Variants in PTPN22 observed in about 807,000 individuals in gnomAD.
PTPN22 encodes the protein tyrosine-protein phosphatase non-receptor type 22.
In PTPN22, 85 loss-of-function variants were observed where a neutral mutation model predicts 103.3. That is an observed-to-expected ratio of 0.82 (90% CI 0.69 to 0.99). The LOEUF is 0.99. PTPN22 is among the 50% of genes least tolerant of loss of function. The pLI, the probability that PTPN22 is intolerant of heterozygous loss-of-function variation, is 0.00. For synonymous variants in PTPN22, 323 were observed against 310.2 expected, an observed-to-expected ratio of 1.04 and a Z score of -0.43; for missense variants, 865 against 936.9, an observed-to-expected ratio of 0.92 and a Z score of 1.00.
chr1:113,847,005 TTTTTTTTG>T (rs1664123523), intron 11 of PTPN22, among the ~76,000 whole-genome samples: 1 of 76,990 alleles, frequency 1.3e-5, no homozygotes. Flanking sequence ...TTTTTTTTTT[TTTTTTTTG>T]GTCCCTTAGT....
At chr1:113,833,266 C>T (rs1045092995) in intron 15 of PTPN22, 128 bp from the exon 16 acceptor site, 2 of 606,872 alleles carry the variant, frequency 3.3e-6, no homozygotes, top group Non-Finnish European at 5.4e-6. Context: ...AAATGTAGAC[C>T]CTATTTTTCC....
chr1:113,835,759 T>A (rs1437911551), intron 13 of PTPN22, among the ~76,000 whole-genome samples: 4 of 152,150 alleles, frequency 2.6e-5, no homozygotes, highest in African/African-American at 9.7e-5. Context: ...CTATACAAAA[T>A]TCAAGAATAT....
At chr1:113,839,810 C>T (rs1006881681) in intron 11 of PTPN22, among the ~76,000 whole-genome samples, 2 of 151,830 alleles carry the variant, frequency 1.3e-5, no homozygotes, top group African/African-American at 4.8e-5. Context: ...AAAAACAAGA[C>T]AAGAATGCCA....
Position 113,855,196 on chromosome 1 carries a change from C to G in PTPN22, c.541-147G>C, listed in dbSNP as rs56257068. 1,883 of 697,112 alleles carry G rather than the reference C, an allele frequency of 2.7e-3. 4 individuals carry two copies. Among genetic ancestry groups the G allele is most frequent in the Non-Finnish European group, 3.9e-3 (1,691 of 428,638 alleles). 43.2% of individuals were successfully genotyped at this position (697,112 alleles called of 1,614,324 possible). ...CATTTACGCCCTTGTGTCTTATATT[C>G]ATAAGATTAAAGTTGAGGCTGGGTG... On this transcript the variant is annotated intron_variant, in intron 7 of 20. Coordinates refer to ENST00000359785, the Ensembl canonical transcript of PTPN22.
chr1:113,859,385 T>A, exon 2 of PTPN22: 1 of 1,613,704 alleles, frequency 6.2e-7, no homozygotes, highest in South Asian at 1.1e-5. Context: ...TTTTTCTTGA[T>A]ATTCTTGGGC....
At chr1:113,832,581 G>T (rs1213229611) in intron 16 of PTPN22, among the ~76,000 whole-genome samples, 1 of 152,152 alleles carries the variant, frequency 6.6e-6, no homozygotes, top group African/African-American at 2.4e-5. Context: ...CAAAGCCCAT[G>T]TTTTTTAACC....
At chr1:113,819,283 G>C (rs539813543) in intron 20 of PTPN22, 2 of 176,872 alleles carry the variant, frequency 1.1e-5, no homozygotes, top group Non-Finnish European at 2.4e-5. Context: ...ATATGAACCA[G>C]AATATCACAG....
chr1:113,839,378 G>T, intron 11 of PTPN22, among the ~76,000 whole-genome samples: 1 of 151,224 alleles, frequency 6.6e-6, no homozygotes. Context: ...CACAGTGCCT[G>T]GCCTCAATCT....
At chr1:113,848,377 T>C (rs1384117696) in intron 11 of PTPN22, among the ~76,000 whole-genome samples, 163 bp downstream of exon 11, 1 of 152,128 alleles carries the variant, frequency 6.6e-6, no homozygotes, top group Non-Finnish European at 1.5e-5. Flanking sequence ...TTACATCAAA[T>C]TAATTTGTCA....
intron 1 of PTPN22, among the ~76,000 whole-genome samples, chr1:113,868,819 G>C (rs1666330216): frequency 2.0e-5 from 3 of 152,020 alleles, no homozygotes; most frequent in Admixed American, 2.0e-4. Flanking sequence ...ACTGCTAATG[G>C]TTGCTTTATA....
At chr1:113,850,800 A>T (rs1664507574) in intron 10 of PTPN22, among the ~76,000 whole-genome samples, 1 of 152,234 alleles carries the variant, frequency 6.6e-6, no homozygotes, top group South Asian at 2.1e-4. Flanking sequence ...CAGTTGTTTT[A>T]TCTCTAAAAC....
intron 1 of PTPN22, among the ~76,000 whole-genome samples, chr1:113,868,291 C>T (rs903539553): frequency 6.6e-6 from 1 of 152,048 alleles, no homozygotes; most frequent in Non-Finnish European, 1.5e-5. Context: ...AATAGAGATG[C>T]CTTTTGATAA....
chr1:113,857,820 TAGAA>T, intron 4 of PTPN22, 44 bp from the exon 5 acceptor site: 1 of 1,538,488 alleles, frequency 6.5e-7, no homozygotes, highest in Non-Finnish European at 8.9e-7. Flanking sequence ...CATATATAGT[TAGAA>T]AGAGCAGTTA....
chr1:113,848,942 TTC>T (rs1251804664), intron 10 of PTPN22, among the ~76,000 whole-genome samples: 4 of 152,164 alleles, frequency 2.6e-5, no homozygotes, highest in Non-Finnish European at 2.9e-5. Context: ...ATTTCTCTAA[TTC>T]TGTTTCCCTT....
exon 13 of PTPN22, chr1:113,838,397 C>T (rs1571384963): frequency 1.3e-6 from 2 of 1,587,256 alleles, no homozygotes; most frequent in African/African-American, 2.7e-5. Flanking sequence ...ATTTTTGCTG[C>T]TTTTGTGGTA....
At chr1:113,858,410 C>G in intron 4 of PTPN22, 68 bp downstream of exon 4, 1 of 1,181,628 alleles carries the variant, frequency 8.5e-7, no homozygotes, top group Non-Finnish European at 1.2e-6. Flanking sequence ...GTTCCACTGA[C>G]CAATTTTTTA....
chr1:113,845,657 G>C (rs1663996761), intron 11 of PTPN22, among the ~76,000 whole-genome samples: 1 of 152,114 alleles, frequency 6.6e-6, no homozygotes, highest in Non-Finnish European at 1.5e-5. Flanking sequence ...TTGTCAGTTA[G>C]TGGTGTTGAG....
chr1:113,814,883 T>C (rs1661036289), exon 21 of PTPN22: 1 of 1,547,688 alleles, frequency 6.5e-7, no homozygotes, highest in Non-Finnish European at 8.9e-7. Context: ...GCAGCCCATA[T>C]TATTATAAAT....
In PTPN22 at chr1:113,848,521, T is replaced by C. The variant is rs781237410; in HGVS notation, c.915+19A>G. 34 of 1,609,160 alleles carry C rather than the reference T, an allele frequency of 2.1e-5. No individual in the cohort carries two copies. The highest frequency in any genetic ancestry group is 2.8e-5 in the Non-Finnish European group (33 of 1,179,294). ...AAGTATGAAAATTTTTTTGACATAA[T>C]ATCTAGTTTAAATTTTACCTCTGTT... On this transcript the variant is annotated intron_variant, in intron 11 of 20. Coordinates refer to ENST00000359785, the Ensembl canonical transcript of PTPN22.
Sources: allele counts gnomAD v4.1 joint callset (sites outside exome capture counted in the v4.1 genomes callset), GRCh38; gene constraint gnomAD v4.1.1; transcripts MANE v1.5; gene names NCBI Gene and HGNC (gene_info 2026-07-23, HGNC 2026-07-21).